The following KIF26B variants were observed in gnomAD, a reference collection of about 807,000 sequenced individuals.
KIF26B encodes kinesin family member 26B, also known as kinesin-like protein KIF26B.
KIF26B carries 63 observed loss-of-function variants against 151.2 expected under a neutral mutation model. That is an observed-to-expected ratio of 0.42 (90% CI 0.34 to 0.51). The LOEUF is 0.51. Among genes scored for constraint, KIF26B ranks in the 20% least tolerant of loss-of-function variants. KIF26B has a pLI of 0.07. For synonymous variants in KIF26B, 1,357 were observed against 1,262.1 expected, an observed-to-expected ratio of 1.08 and a Z score of -1.59; for missense variants, 2,813 against 2,913.6, an observed-to-expected ratio of 0.97 and a Z score of 0.79.
intron 2 of KIF26B, among the ~76,000 whole-genome samples, chr1:245,258,212 C>T (rs796413411): frequency 5.9e-5 from 9 of 152,264 alleles, no homozygotes; most frequent in South Asian, 2.1e-4. Flanking sequence ...TTATGGAGTT[C>T]GCTGTACATG....
chr1:245,194,137 C>T (rs898373065), intron 2 of KIF26B, among the ~76,000 whole-genome samples: 1 of 152,150 alleles, frequency 6.6e-6, no homozygotes, highest in Non-Finnish European at 1.5e-5. Context: ...GTAGTTTCTT[C>T]CATATAAGGC....
chr1:245,442,689 C>T (rs1272273129), intron 4 of KIF26B, among the ~76,000 whole-genome samples: 5 of 151,614 alleles, frequency 3.3e-5, no homozygotes, highest in Non-Finnish European at 7.4e-5. Flanking sequence ...ATCTCCCTCA[C>T]TGTTCACCTA....
chr1:245,241,824 G>A lies in KIF26B; in HGVS notation c.465+85141G>A, dbSNP rs895905546. ...TGGAAGGTGCTTGCTTTGGGGACTCGGCCCTGGTGGATCCCCTTAGCCTGT... is the reference window on the plus strand; with the variant it reads ...TGGAAGGTGCTTGCTTTGGGGACTCAGCCCTGGTGGATCCCCTTAGCCTGT... On this transcript the variant is annotated intron_variant, in intron 2 of 14. Transcript: ENST00000407071. This position sits in a 1 kb window ranked among gnomAD's most constrained non-coding sequence, Gnocchi z 5.0. Among the ~76,000 whole-genome samples the A allele has an allele frequency of 9.2e-5, 14 of 152,126 alleles. No individual in the cohort carries two copies. The highest frequency in any genetic ancestry group is 2.9e-4 in the African/African-American group (12 of 41,414).
chr1:245,410,474 G>T (rs1183545543), intron 3 of KIF26B, among the ~76,000 whole-genome samples: 1 of 151,894 alleles, frequency 6.6e-6, no homozygotes, highest in Non-Finnish European at 1.5e-5. Context: ...TTTGAGACAG[G>T]GTCTCGCTCT....
At chr1:245,546,212 T>G (rs111610128) in intron 5 of KIF26B, among the ~76,000 whole-genome samples, 3,013 of 151,174 alleles carry the variant, frequency 0.02, 114 homozygotes, top group African/African-American at 0.069. Flanking sequence ...TTTGGTTTTG[T>G]TTTTTTTGTT....
intron 2 of KIF26B, among the ~76,000 whole-genome samples, chr1:245,232,639 C>G (rs2103555745): frequency 6.6e-6 from 1 of 151,978 alleles, no homozygotes; most frequent in East Asian, 1.9e-4. Flanking sequence ...CAACCTCTGC[C>G]TCCCAGGTTC....
chr1:245,388,590 C>T (rs887765031), intron 3 of KIF26B, among the ~76,000 whole-genome samples: 2 of 152,196 alleles, frequency 1.3e-5, no homozygotes, highest in South Asian at 2.1e-4. Context: ...GTTCCTTCTA[C>T]GTCTGCCTCC....
chr1:245,684,361 C>T lies in KIF26B; in HGVS notation c.2387C>T (p.Ser796Leu), dbSNP rs761273534. The T allele has an allele frequency of 1.1e-5, 18 of 1,612,774 alleles. No homozygotes were observed. The Admixed American group carries it at 1.7e-4, about 15-fold the overall frequency. The change falls in exon 11 of 15, where the codon TCG becomes TTG. Residue 796 changes from serine (S) to leucine (L), a missense_variant. By Grantham distance (145) the Ser-to-Leu change is moderately radical. Transcript: ENST00000407071. ...ACCCTGTCCACCATCCAGATTGCAT[C>T]GAGAGTCTTGAGGATGAAGAAAAAG... ...AETLSTIQIA[S>L]RVLRMKKKKT...
At chr1:245,553,282 G>T (rs900943185) in intron 5 of KIF26B, among the ~76,000 whole-genome samples, 1 of 152,148 alleles carries the variant, frequency 6.6e-6, no homozygotes, top group Non-Finnish European at 1.5e-5. Context: ...CGCCAACTCT[G>T]GAACCTGTCC....
chr1:245,386,070 A>T (rs1038617157), intron 3 of KIF26B, among the ~76,000 whole-genome samples: 1 of 152,052 alleles, frequency 6.6e-6, no homozygotes. Context: ...GTGAAACCCC[A>T]TCTCTACTAA....
chr1:245,346,086 C>T (rs568267380), intron 2 of KIF26B, among the ~76,000 whole-genome samples: 10 of 150,588 alleles, frequency 6.6e-5, no homozygotes, highest in Admixed American at 1.3e-4. Context: ...GCACCTGCCA[C>T]CACACCTGGC....
rs2044552614 is a variant in KIF26B, at chr1:245,687,783, T to G, written c.4800T>G (p.Pro1600=). The G allele has an allele frequency of 3.2e-6, 5 of 1,586,102 alleles. No homozygotes were observed. The African/African-American group carries it at 4.1e-5, about 13-fold the overall frequency. ...ARPKGTPPLP[P]VRKSSLDQKN... The stretch of plus-strand genomic sequence containing the variant: ...CCAAAGGGACTCCCCCTCTGCCCCC[T>G]GTCCGAAAGTCCAGCCTGGACCAGA... The change falls in exon 12 of 15, where the codon CCT becomes CCG. Residue 1600 remains proline, a synonymous_variant. Transcript: ENST00000407071. The surrounding 1 kb of genome is among the most constrained non-coding windows in gnomAD (Gnocchi z 4.9).
intron 3 of KIF26B, among the ~76,000 whole-genome samples, chr1:245,395,725 C>G (rs1182284504): frequency 6.6e-6 from 1 of 152,166 alleles, no homozygotes; most frequent in Non-Finnish European, 1.5e-5. Context: ...GATATACCCC[C>G]CAAAGTGTCA....
intron 4 of KIF26B, among the ~76,000 whole-genome samples, chr1:245,421,845 A>G (rs770481027): frequency 1.3e-5 from 2 of 152,120 alleles, no homozygotes; most frequent in African/African-American, 2.4e-5. Context: ...ACCTCATAGT[A>G]CTGGACAAGG....
At chr1:245,511,156 G>T in intron 4 of KIF26B, 1 of 708,112 alleles carries the variant, frequency 1.4e-6, no homozygotes. Flanking sequence ...ATATGTTGCT[G>T]GAGTTAGGTG....
chr1:245,268,346 C>A (rs918553503), intron 2 of KIF26B, among the ~76,000 whole-genome samples: 2 of 151,676 alleles, frequency 1.3e-5, no homozygotes, highest in South Asian at 4.2e-4. Context: ...GTGGCACACG[C>A]CTGTAGTCCC....
chr1:245,187,003 C>T (rs1245903421), intron 2 of KIF26B, among the ~76,000 whole-genome samples: 3 of 151,924 alleles, frequency 2.0e-5, no homozygotes, highest in African/African-American at 2.4e-5. Flanking sequence ...ACTACAGGCG[C>T]GCACCACCAC....
intron 4 of KIF26B, among the ~76,000 whole-genome samples, chr1:245,492,038 C>A (rs1660418744): frequency 6.6e-6 from 1 of 152,116 alleles, no homozygotes; most frequent in Non-Finnish European, 1.5e-5. Context: ...AGACACAAGC[C>A]AGAAAATCTT....
intron 2 of KIF26B, among the ~76,000 whole-genome samples, chr1:245,364,903 G>A (rs1672907910): frequency 6.6e-6 from 1 of 152,264 alleles, no homozygotes; most frequent in South Asian, 2.1e-4. Flanking sequence ...GCATATACTG[G>A]GGCCCAAATA....
Sources: allele counts gnomAD v4.1 joint callset (sites outside exome capture counted in the v4.1 genomes callset), GRCh38; gene constraint gnomAD v4.1.1; non-coding constraint Gnocchi (gnomAD v3.1); transcripts MANE v1.5; gene names NCBI Gene and HGNC (gene_info 2026-07-23, HGNC 2026-07-21).